MAST1: variants seen among roughly 807,000 people sequenced by gnomAD.
MAST1 encodes the protein microtubule-associated serine/threonine-protein kinase 1.
In MAST1, 40 loss-of-function variants were observed where a neutral mutation model predicts 124.6. The ratio of observed to expected loss-of-function variants is 0.32; its 90% CI spans 0.25 to 0.42. The LOEUF is 0.42. Ranked by LOEUF, MAST1 falls within the 10% of genes least tolerant of loss-of-function variation. The pLI, the probability that MAST1 is intolerant of heterozygous loss-of-function variation, is 1.00. For missense variants in MAST1, 1,558 were observed against 2,181.9 expected (o/e 0.71, Z 5.70); for synonymous variants, 938 against 939.4 (o/e 1.00, Z 0.03).
At position 12,866,918 on chromosome 19, in the gene MAST1, A is replaced by C. The variant is rs1023412463; in HGVS notation, c.2139+156A>C. 3.3e-5 allele frequency among the ~76,000 whole-genome samples: 5 copies of C among 149,312 alleles called. No homozygotes were observed. Among genetic ancestry groups the C allele is most frequent in the Non-Finnish European group, 7.4e-5 (5 of 67,472 alleles). On this transcript the variant is annotated intron_variant, in intron 18 of 25. Coordinates refer to ENST00000251472, the MANE Select transcript of MAST1 (RefSeq NM_014975.3). This position sits in a 1 kb window ranked among gnomAD's most constrained non-coding sequence, Gnocchi z 5.2. ...AAGGTGGTAAGGCCACGCAAGAGGC[A>C]GGTTCGGGAGTCTATGGGACGGGCC...
In MAST1 at chr19:12,841,514, G is replaced by A. The variant is rs1969827573; in HGVS notation, c.248+448G>A. 6.6e-6 allele frequency among the ~76,000 whole-genome samples: 1 copy of A among 152,228 alleles called. No individual in the cohort carries two copies. Among genetic ancestry groups the A allele is most frequent in the Non-Finnish European group, 1.5e-5 (1 of 68,038 alleles). Reference sequence around the variant, plus strand: ...GAGGAATCTCAGGTTTCTTTCCAAGGGTCTCTTAGGGTTTCTGGGGTGTCC... The same window carrying A: ...GAGGAATCTCAGGTTTCTTTCCAAGAGTCTCTTAGGGTTTCTGGGGTGTCC... On this transcript the variant is annotated intron_variant, in intron 3 of 25. Transcript: ENST00000251472. The surrounding 1 kb of genome is among the most constrained non-coding windows in gnomAD (Gnocchi z 4.3).
Position 12,865,837 on chromosome 19 carries a change from G to A in MAST1, c.1906+19G>A. 2 of 1,608,666 alleles carry A rather than the reference G, an allele frequency of 1.2e-6. No individual in the cohort carries two copies. The highest frequency in any genetic ancestry group is 1.7e-6 in the Non-Finnish European group (2 of 1,176,572). ...GGGGCAGGTAAGTCCGCCATGCAGA[G>A]GAGCTGAGGGCCCACTGATAGAGAG... On this transcript the variant is annotated intron_variant, in intron 16 of 25. Coordinates refer to ENST00000251472, the MANE Select transcript of MAST1 (RefSeq NM_014975.3). This position sits in a 1 kb window ranked among gnomAD's most constrained non-coding sequence, Gnocchi z 7.1.
rs750462903 is a variant in MAST1, at chr19:12,873,955, G to C, written c.3798G>C (p.Ser1266=). 3.8e-6 allele frequency: 6 copies of C among 1,596,642 alleles called. No individual in the cohort carries two copies. Among genetic ancestry groups the C allele is most frequent in the Non-Finnish European group, 4.2e-6 (5 of 1,177,658 alleles). Residue 1266 remains serine (S), a synonymous_variant, in exon 26 of 26, where the codon TCG becomes TCC. Transcript: ENST00000251472. ...CGCCGCTCCTCAAGCGCGTGCAGTC[G>C]GCCGAGAAGCTGGGAGCCTCTTTGA... ...PRSPLLKRVQ[S]AEKLGASLSA... is the part of the protein sequence containing the mutation.
chr19:12,858,066 C>A (rs1209671576), intron 10 of MAST1, among the ~76,000 whole-genome samples: 1 of 145,206 alleles, frequency 6.9e-6, no homozygotes, highest in Non-Finnish European at 1.5e-5. Flanking sequence ...TTACCTCACC[C>A]ACTTTTTTCT....
Position 12,840,535 on chromosome 19 carries a change from G to A in MAST1, c.172+1G>A. 2 of 1,611,650 alleles carry A rather than the reference G, an allele frequency of 1.2e-6. No homozygotes were observed. The highest frequency in any genetic ancestry group is 1.7e-6 in the Non-Finnish European group (2 of 1,177,990). ...CACTCCCCGCTGCCAGGTCACCTAG[G>A]TGAGGCCAGTGGTAGAGACTTGGTG... On this transcript the variant is annotated splice_donor_variant, in intron 2 of 25. Transcript: ENST00000251472. LOFTEE classifies it high-confidence loss of function.
In MAST1 at chr19:12,874,831, C is replaced by CA; in HGVS notation, c.4680dup (p.Gly1561ArgfsTer32). ...AAGCTGTGCCCCCAGCAGGCCTGACCAAAAAAGGAGTGTCCAGTCCCGCAC... is the reference window on the plus strand; with the variant it reads ...AAGCTGTGCCCCCAGCAGGCCTGACCAAAAAAAGGAGTGTCCAGTCCCGCAC... On this transcript the variant is annotated frameshift_variant, in exon 26 of 26. Coordinates refer to ENST00000251472, the MANE Select transcript of MAST1 (RefSeq NM_014975.3). LOFTEE classifies it high-confidence loss of function. This position sits in a 1 kb window ranked among gnomAD's most constrained non-coding sequence, Gnocchi z 6.6. The CA allele has an allele frequency of 1.3e-6, 2 of 1,598,356 alleles. No individual in the cohort carries two copies. The highest frequency in any genetic ancestry group is 1.7e-6 in the Non-Finnish European group (2 of 1,170,848).
chr19:12,868,728 G>A lies in MAST1; in HGVS notation c.2652G>A (p.Leu884=). 1 of 1,613,276 alleles carries A rather than the reference G, an allele frequency of 6.2e-7. No homozygotes were observed. Among genetic ancestry groups the A allele is most frequent in the Non-Finnish European group, 8.5e-7 (1 of 1,179,488 alleles). ...SGPRATNDLV[L]RRARHQQMSG... ...CAAGGGCTACCAATGACTTGGTTCT[G>A]CGCCGGGCGCGGCACCAGCAGATGT... The change falls in exon 21 of 26, where the codon CTG becomes CTA. Residue 884 remains leucine (L), a synonymous_variant. Coordinates refer to ENST00000251472, the MANE Select transcript of MAST1 (RefSeq NM_014975.3).
chr19:12,865,354 C>A lies in MAST1; in HGVS notation c.1677C>A (p.Ile559=). Residue 559 remains isoleucine (I), a synonymous_variant, in exon 15 of 26, where the codon ATC becomes ATA. Transcript: ENST00000251472. This position sits in a 1 kb window ranked among gnomAD's most constrained non-coding sequence, Gnocchi z 7.1. ...CAGAGTACATCGCGCCCGAGGTCATCCTGCGTCAAGGCTACGGCAAGCCAG... is the reference window on the plus strand; with the variant it reads ...CAGAGTACATCGCGCCCGAGGTCATACTGCGTCAAGGCTACGGCAAGCCAG... ...GTPEYIAPEV[I]LRQGYGKPVD... The A allele has an allele frequency of 6.2e-7, 1 of 1,608,688 alleles. No homozygotes were observed. The highest frequency in any genetic ancestry group is 8.5e-7 in the Non-Finnish European group (1 of 1,177,306).
rs1568405480 is a variant in MAST1, at chr19:12,838,771, GC to G, written c.83+120del. 1 of 894,316 alleles carries G rather than the reference GC, an allele frequency of 1.1e-6. No homozygotes were observed. The highest frequency in any genetic ancestry group is 1.8e-5 in the South Asian group (1 of 55,356). The allele number at this position is 894,316 out of a possible 1,614,324, so 55.4% of individuals were successfully genotyped here. A position where few individuals can be genotyped will look rare whatever the true frequency, so the allele number is the denominator to read the frequency against. ...CGCCCGGTCCAGCTGCGCCAGAGGT[GC>G]CCCAGCTGCGCCTTCCCGCCGGGGT... is the stretch of plus-strand genomic sequence containing the variant. On this transcript the variant is annotated intron_variant, in intron 1 of 25. Coordinates refer to ENST00000251472, the MANE Select transcript of MAST1 (RefSeq NM_014975.3). The surrounding 1 kb of genome is among the most constrained non-coding windows in gnomAD (Gnocchi z 4.3).
chr19:12,846,035 TAG>T (rs1172611931), intron 4 of MAST1, among the ~76,000 whole-genome samples: 3 of 151,632 alleles, frequency 2.0e-5, no homozygotes, highest in African/African-American at 7.3e-5. Flanking sequence ...CTGGGCAACA[TAG>T]AGAGACCCTG....
intron 12 of MAST1, among the ~76,000 whole-genome samples, chr19:12,863,158 CAAAAAAAA>C (rs749539925): frequency 4.8e-4 from 21 of 44,118 alleles, no homozygotes; most frequent in African/African-American, 1.6e-3. Flanking sequence ...GACTCTGACT[CAAAAAAAA>C]AAAAAAAAAA....
Position 12,865,530 on chromosome 19 carries a change from G to C in MAST1, c.1804+49G>C. The stretch of plus-strand genomic sequence containing the variant: ...GGGCAGAGTGTGGTGTGCACGGAGA[G>C]ATGGACAGGCTCAGGGTTCCAGGGA... On this transcript the variant is annotated intron_variant, in intron 15 of 25. Coordinates refer to ENST00000251472, the MANE Select transcript of MAST1 (RefSeq NM_014975.3). This position sits in a 1 kb window ranked among gnomAD's most constrained non-coding sequence, Gnocchi z 7.1. 6.5e-7 allele frequency: 1 copy of C among 1,537,032 alleles called. No individual in the cohort carries two copies. Among genetic ancestry groups the C allele is most frequent in the Non-Finnish European group, 8.8e-7 (1 of 1,141,946 alleles).
intron 7 of MAST1, among the ~76,000 whole-genome samples, chr19:12,851,012 A>T (rs866240940): frequency 1.0e-4 from 15 of 144,322 alleles, no homozygotes; most frequent in Middle Eastern, 3.8e-3. Flanking sequence ...TAGTGATGTG[A>T]TCTCGGCTCA....
chr19:12,860,253 T>G (rs1187232012), intron 12 of MAST1, among the ~76,000 whole-genome samples: 1 of 151,948 alleles, frequency 6.6e-6, no homozygotes, highest in Non-Finnish European at 1.5e-5. Flanking sequence ...TAGCTGGGAT[T>G]ACAGGTGCCC....
At position 12,845,562 on chromosome 19, in the gene MAST1, G is replaced by A. The variant is rs1599577363; in HGVS notation, c.328-1728G>A. 1.3e-5 allele frequency among the ~76,000 whole-genome samples: 2 copies of A among 151,664 alleles called. 1 individual carries two copies. Among genetic ancestry groups the A allele is most frequent in the African/African-American group, 4.8e-5 (2 of 41,334 alleles). ...TCGAGCCACTGCACTCCAGCCTGGG[G>A]GAGAGAGAAACACCCTGTCTCGAAA... On this transcript the variant is annotated intron_variant, in intron 4 of 25. Transcript: ENST00000251472.
chr19:12,846,808 G>A (rs1023864340), intron 4 of MAST1, among the ~76,000 whole-genome samples: 2 of 150,524 alleles, frequency 1.3e-5, no homozygotes, highest in Non-Finnish European at 2.9e-5. Context: ...AACGCGGGAG[G>A]CGGAGGTTGC....
Position 12,873,905 on chromosome 19 carries a change from C to G in MAST1, c.3748C>G (p.Pro1250Ala), listed in dbSNP as rs1970274196. The G allele has an allele frequency of 6.3e-7, 1 of 1,583,084 alleles. No individual in the cohort carries two copies. The highest frequency in any genetic ancestry group is 8.5e-7 in the Non-Finnish European group (1 of 1,172,900). Residue 1250 changes from proline (P) to alanine (A), a missense_variant, in exon 26 of 26, where the codon CCC becomes GCC. Pro to Ala is a conservative substitution (Grantham distance 27). Around this residue, in one of 10 missense-constraint regions of MAST1, gnomAD observed 291 missense variants for 475.8 expected, o/e 0.61. Transcript: ENST00000251472. ...ATCGCCTCCCGTCGTGCGCCCGCGC[C>G]CCAAGAGTGCCGAGCCCCCTCGCTC... ...HSSPPVVRPR[P>A]KSAEPPRSPL...
intron 10 of MAST1, among the ~76,000 whole-genome samples, chr19:12,855,595 G>A (rs1381312921): frequency 1.3e-5 from 2 of 152,138 alleles, no homozygotes; most frequent in African/African-American, 2.4e-5. Context: ...CCCTGAAGAC[G>A]CTTAAGTTTG....
intron 10 of MAST1, 35 bp from the exon 11 acceptor site, chr19:12,858,327 A>G: frequency 6.4e-7 from 1 of 1,554,980 alleles, no homozygotes; most frequent in Non-Finnish European, 8.8e-7. Context: ...TCTCATGATG[A>G]TGATGGTGGT....
Sources: allele counts gnomAD v4.1 joint callset (sites outside exome capture counted in the v4.1 genomes callset), GRCh38; gene constraint gnomAD v4.1.1; regional missense constraint gnomAD v4.1.1; non-coding constraint Gnocchi (gnomAD v3.1); transcripts MANE v1.5; gene names NCBI Gene and HGNC (gene_info 2026-07-23, HGNC 2026-07-21).